Variants in LRBA observed in about 807,000 individuals in gnomAD.
LRBA encodes lipopolysaccharide-responsive and beige-like anchor protein.
In LRBA, 176 loss-of-function variants were observed where a neutral mutation model predicts 330.0. The ratio of observed to expected loss-of-function variants is 0.53; its 90% CI spans 0.47 to 0.60. LRBA has a LOEUF of 0.60. Among genes scored for constraint, LRBA ranks in the 20% least tolerant of loss-of-function variants. LRBA has a pLI of 0.00. For missense variants in LRBA, 3,259 were observed against 3,444.8 expected, an observed-to-expected ratio of 0.95 and a Z score of 1.35; for synonymous variants, 1,230 against 1,193.0, an observed-to-expected ratio of 1.03 and a Z score of -0.64.
intron 28 of LRBA, among the ~76,000 whole-genome samples, chr4:150,843,799 A>G (rs1749447991): frequency 6.6e-6 from 1 of 152,244 alleles, no homozygotes; most frequent in Admixed American, 6.5e-5. Context: ...TGGAAATTAC[A>G]ATAGTACAGC....
chr4:150,498,111 A>G (rs1759800995), intron 40 of LRBA, among the ~76,000 whole-genome samples: 1 of 152,180 alleles, frequency 6.6e-6, no homozygotes, highest in African/African-American at 2.4e-5. Flanking sequence ...TGAAGCACTG[A>G]CTGGCAAATT....
intron 2 of LRBA, among the ~76,000 whole-genome samples, chr4:150,959,864 T>C (rs1319729809): frequency 6.9e-6 from 1 of 145,928 alleles, no homozygotes; most frequent in East Asian, 1.9e-4. Context: ...TATTTATAAA[T>C]CTATATAAAG....
At chr4:150,633,248 C>T (rs1441172968) in intron 37 of LRBA, among the ~76,000 whole-genome samples, 1 of 152,118 alleles carries the variant, frequency 6.6e-6, no homozygotes, top group Non-Finnish European at 1.5e-5. Flanking sequence ...AAAAAGAGAA[C>T]CTAATTCATA....
chr4:150,812,780 C>CAT (rs1743943194), intron 31 of LRBA, among the ~76,000 whole-genome samples: 1 of 152,008 alleles, frequency 6.6e-6, no homozygotes, highest in Admixed American at 6.6e-5. Context: ...AAACACCAGG[C>CAT]ATATAAATTA....
chr4:150,432,592 G>C (rs181680204), intron 46 of LRBA, among the ~76,000 whole-genome samples: 253 of 151,244 alleles, frequency 1.7e-3, no homozygotes, highest in Middle Eastern at 3.4e-3. Flanking sequence ...CGAGTAGCTG[G>C]GACTACAGGT....
rs1734177940 is a variant in LRBA, at chr4:150,929,024, G to A, written c.258C>T (p.Ile86=). The A allele has an allele frequency of 3.7e-6, 6 of 1,611,526 alleles. No homozygotes were observed. The highest frequency in any genetic ancestry group is 5.1e-6 in the Non-Finnish European group (6 of 1,179,400). Residue 86 remains isoleucine, a synonymous_variant, in exon 3 of 57, where the codon ATC becomes ATT. Transcript: ENST00000651943. ...TGCAGTTAATACTCTCACCTTCTTG[G>A]ATAATGAAATTCATTTCCAGATCAA... ...GQFDLEMNFI[I]QEGESINCMV...
intron 22 of LRBA, among the ~76,000 whole-genome samples, chr4:150,862,166 C>A (rs1441603161): frequency 6.6e-6 from 1 of 152,134 alleles, no homozygotes. Flanking sequence ...TTGACCCAGC[C>A]ATCCCATTAC....
Position 150,343,782 on chromosome 4 carries a change from C to T in LRBA, c.7362+6210G>A, listed in dbSNP as rs563162394. On this transcript the variant is annotated intron_variant, in intron 48 of 56. Coordinates refer to ENST00000651943, the MANE Select transcript of LRBA (RefSeq NM_001364905.1). The stretch of plus-strand genomic sequence containing the variant: ...TTCAACTTTTTTCTACACCTATTCT[C>T]CTGATGTTGAAAACACAGAAAAACA... Among the ~76,000 whole-genome samples the T allele has an allele frequency of 9.9e-5, 15 of 152,254 alleles. 1 individual carries two copies. In the South Asian group the frequency reaches 3.1e-3, roughly 32 times the overall value.
chr4:150,416,478 C>T (rs1467411710), intron 46 of LRBA, among the ~76,000 whole-genome samples: 1 of 152,132 alleles, frequency 6.6e-6, no homozygotes, highest in Middle Eastern at 3.2e-3. Flanking sequence ...CTATTATCAC[C>T]TCCATGATCC....
chr4:150,861,082 A>AT (rs544582116), intron 22 of LRBA, among the ~76,000 whole-genome samples: 12 of 151,748 alleles, frequency 7.9e-5, no homozygotes, highest in Admixed American at 2.0e-4. Context: ...TGTGTTATCT[A>AT]TTTTTTTTAA....
chr4:150,823,666 C>G (rs1208064849), intron 30 of LRBA, among the ~76,000 whole-genome samples: 3 of 151,920 alleles, frequency 2.0e-5, no homozygotes, highest in African/African-American at 7.3e-5. Context: ...GGTATTCATT[C>G]TTCTGCATAT....
At position 150,396,774 on chromosome 4, in the gene LRBA, T is replaced by C. The variant is rs559099503; in HGVS notation, c.7194+18664A>G. Among the ~76,000 whole-genome samples, 38 of 152,288 alleles carry C rather than the reference T, an allele frequency of 2.5e-4. 1 individual carries two copies. Among genetic ancestry groups the C allele is most frequent in the South Asian group, 1.9e-3 (9 of 4,826 alleles). On this transcript the variant is annotated intron_variant, in intron 47 of 56. Transcript: ENST00000651943. ...CCATATGAAATGAATAAACTTATAG[T>C]CTAGAAAAAATAGGAAATGATTAGG...
intron 40 of LRBA, among the ~76,000 whole-genome samples, chr4:150,524,158 G>C (rs1763217245): frequency 6.6e-6 from 1 of 152,144 alleles, no homozygotes; most frequent in Admixed American, 6.5e-5. Context: ...AGTACTTATA[G>C]TCTCCTACAA....
rs1440623476 is a variant in LRBA, at chr4:150,820,600, G to A, written c.5172-3343C>T. ...AGAAATAAAATCAATTTCCAAATTC[G>A]CTGACTGATTCAAATCAATTCTAAG... On this transcript the variant is annotated intron_variant, in intron 30 of 56. Coordinates refer to ENST00000651943, the MANE Select transcript of LRBA (RefSeq NM_001364905.1). Among the ~76,000 whole-genome samples, 4 of 151,712 alleles carry A rather than the reference G, an allele frequency of 2.6e-5. No homozygotes were observed. The East Asian group carries it at 5.8e-4, about 22-fold the overall frequency.
rs879918816 is a variant in LRBA, at chr4:150,775,481, AC to A, written c.5581-13635del. ...CACACACACACACACACACACACACACACACACACACACACACACACAGTGA... is the reference window on the plus strand; with the variant it reads ...CACACACACACACACACACACACACAACACACACACACACACACACAGTGA... On this transcript the variant is annotated intron_variant, in intron 34 of 56. Transcript: ENST00000651943. Among the ~76,000 whole-genome samples the A allele has an allele frequency of 2.3e-3, 353 of 151,272 alleles. 2 individuals carry two copies. Among genetic ancestry groups the A allele is most frequent in the African/African-American group, 7.6e-3 (314 of 41,128 alleles).
intron 45 of LRBA, 140 bp from the exon 46 acceptor site, chr4:150,435,848 T>TA: frequency 4.0e-6 from 2 of 497,276 alleles, no homozygotes; most frequent in Non-Finnish European, 6.9e-6. Context: ...GAGAATTATA[T>TA]CTAAATTATT....
intron 52 of LRBA, among the ~76,000 whole-genome samples, chr4:150,307,565 TAAAA>T (rs113281423): frequency 7.2e-6 from 1 of 139,282 alleles, no homozygotes; most frequent in Non-Finnish European, 1.6e-5. Context: ...TATAAAAATT[TAAAA>T]AAAAAAAAAG....
chr4:150,520,334 A>C (rs1160794180), intron 40 of LRBA, among the ~76,000 whole-genome samples: 1 of 152,122 alleles, frequency 6.6e-6, no homozygotes, highest in East Asian at 1.9e-4. Context: ...ACATCTTTAT[A>C]ATACTGAGTC....
Position 150,285,919 on chromosome 4 carries a change from T to C in LRBA, c.8119+14A>G. 1.3e-6 allele frequency: 2 copies of C among 1,500,098 alleles called. No homozygotes were observed. The highest frequency in any genetic ancestry group is 1.8e-6 in the Non-Finnish European group (2 of 1,121,982). The allele number at this position is 1,500,098 out of a possible 1,614,324, so 92.9% of individuals were successfully genotyped here. A position where few individuals can be genotyped will look rare whatever the true frequency, so the allele number is the denominator to read the frequency against. On this transcript the variant is annotated intron_variant, in intron 54 of 56. Transcript: ENST00000651943. ...AAGAAATGCATCCATTTTGTGAAGG[T>C]ACCACAGGTTTACCTTGTGAACCAC...
Sources: allele counts gnomAD v4.1 joint callset (sites outside exome capture counted in the v4.1 genomes callset), GRCh38; gene constraint gnomAD v4.1.1; transcripts MANE v1.5; gene names NCBI Gene and HGNC (gene_info 2026-07-23, HGNC 2026-07-21).